ALPK1: variants seen among roughly 807,000 people sequenced by gnomAD.
The protein encoded by ALPK1 is alpha-protein kinase 1.
In ALPK1, 110 loss-of-function variants were observed where a neutral mutation model predicts 120.6. The ratio of observed to expected loss-of-function variants is 0.91; its 90% CI spans 0.78 to 1.07. ALPK1 has a LOEUF of 1.07. Among genes scored for constraint, ALPK1 ranks in the 50% least tolerant of loss-of-function variants. The probability of loss-of-function intolerance (pLI) is 0.00; values close to 1 mark genes in which losing one functional copy is unlikely to be tolerated. For missense variants in ALPK1, 1,498 were observed against 1,483.9 expected (o/e 1.01, Z -0.16); for synonymous variants, 582 against 560.3 (o/e 1.04, Z -0.55).
rs1214780399 is a variant in ALPK1 at position 112,343,485 on chromosome 4, T to TAA, written c.-101+27635_-101+27636dup. On this transcript the variant is annotated intron_variant, in intron 2 of 15. Transcript: ENST00000650871. ...CAGCCTGCCTCGGAAGAGACAAAAG[T>TAA]AAATACCCGTCTCAAAGAGAATGCA... 2.0e-5 allele frequency: 3 copies of TAA among 152,062 alleles called. No homozygotes were observed. In the East Asian group the frequency reaches 5.8e-4, roughly 29 times the overall value. 9.4% of individuals were successfully genotyped at this position (152,062 alleles called of 1,614,324 possible). A position where few individuals can be genotyped will look rare whatever the true frequency, so the allele number is the denominator to read the frequency against.
chr4:112,326,571 A>G (rs903469601), intron 2 of ALPK1, among the ~76,000 whole-genome samples: 1 of 152,122 alleles, frequency 6.6e-6, no homozygotes, highest in Non-Finnish European at 1.5e-5. Context: ...ACAGCTTTCC[A>G]TTTCCTTGTT....
intron 2 of ALPK1, among the ~76,000 whole-genome samples, chr4:112,372,997 T>A (rs60571746): frequency 0.034 from 5,218 of 152,356 alleles, 107 homozygotes; most frequent in African/African-American, 0.052. Flanking sequence ...TTTCTCGATG[T>A]AGTTCTACAA....
chr4:112,399,593 T>A (rs559566040), intron 4 of ALPK1, among the ~76,000 whole-genome samples: 3 of 152,288 alleles, frequency 2.0e-5, no homozygotes, highest in East Asian at 3.9e-4. Flanking sequence ...CTCTTTTTTT[T>A]ATTTTACTTT....
At chr4:112,310,043 A>G (rs557157399) in intron 1 of ALPK1, among the ~76,000 whole-genome samples, 1 of 152,200 alleles carries the variant, frequency 6.6e-6, no homozygotes, top group East Asian at 1.9e-4. Flanking sequence ...TTTATCTCTG[A>G]ATTCCCAGTA....
intron 2 of ALPK1, among the ~76,000 whole-genome samples, chr4:112,320,684 G>C (rs930455799): frequency 6.6e-6 from 1 of 151,678 alleles, no homozygotes; most frequent in Non-Finnish European, 1.5e-5. Context: ...TTTTTTTGTT[G>C]GTGGCTTTTT....
chr4:112,375,130 C>G (rs1458649877), intron 2 of ALPK1, among the ~76,000 whole-genome samples: 3 of 152,044 alleles, frequency 2.0e-5, no homozygotes, highest in African/African-American at 7.2e-5. Context: ...TGTTTTGTCA[C>G]CACTGAAAAT....
At chr4:112,437,706 C>A (rs1734846903) in intron 12 of ALPK1, among the ~76,000 whole-genome samples, 1 of 152,122 alleles carries the variant, frequency 6.6e-6, no homozygotes, top group South Asian at 2.1e-4. Flanking sequence ...GTCTGAATGG[C>A]CAAAACCACA....
rs759425391 is a variant in ALPK1, at chr4:112,431,425, TG to T, written c.1879del (p.Glu627ArgfsTer3). The T allele has an allele frequency of 9.3e-6, 15 of 1,614,114 alleles. No homozygotes were observed. The Admixed American group carries it at 1.2e-4, about 13-fold the overall frequency. On this transcript the variant is annotated frameshift_variant, in exon 11 of 16. Transcript: ENST00000650871. LOFTEE classifies it high-confidence loss of function. ...VDTQCSTALS[E>X]ELENDREGRA... ...ACACTCAGTGTTCCACTGCCTTGTC[TG>T]AGGAGCTAGAGAATGACAGGGAAGG...
chr4:112,300,947 G>T (rs1184297367), intron 1 of ALPK1, among the ~76,000 whole-genome samples: 1 of 152,112 alleles, frequency 6.6e-6, no homozygotes, highest in South Asian at 2.1e-4. Flanking sequence ...TCTGGTTACT[G>T]TGGTGCATTC....
In ALPK1 at chr4:112,356,621, CAAG is replaced by C. The variant is rs57553869; in HGVS notation, c.-100-21052_-100-21050del. The stretch of plus-strand genomic sequence containing the variant: ...ACCACATGAAGATCCACTTGTGCCG[CAAG>C]AAGATGGCAAGTCGCTCTGTCATTT... On this transcript the variant is annotated intron_variant, in intron 2 of 15. Transcript: ENST00000650871. The C allele has an allele frequency of 1.0e-3, 815 of 789,456 alleles. 7 individuals carry two copies. The African/African-American group carries it at 0.012, about 12-fold the overall frequency. 48.9% of individuals were successfully genotyped at this position (789,456 alleles called of 1,614,324 possible).
At chr4:112,371,121 A>G (rs1000966668) in intron 2 of ALPK1, among the ~76,000 whole-genome samples, 22 of 152,150 alleles carry the variant, frequency 1.4e-4, no homozygotes, top group Non-Finnish European at 2.9e-5. Context: ...ACAGCTCTCA[A>G]TTCTGTCCAG....
chr4:112,343,805 C>G (rs1470296226), intron 2 of ALPK1, among the ~76,000 whole-genome samples: 2 of 145,718 alleles, frequency 1.4e-5, no homozygotes, highest in Non-Finnish European at 3.0e-5. Context: ...TTGGAGGACA[C>G]AGATGTCACT....
chr4:112,396,157 C>T (rs1732642409), intron 4 of ALPK1, among the ~76,000 whole-genome samples: 2 of 151,646 alleles, frequency 1.3e-5, no homozygotes, highest in South Asian at 4.1e-4. Flanking sequence ...ATACTTCCAG[C>T]CCTCATTATT....
chr4:112,330,099 G>A (rs1437094137), intron 2 of ALPK1, among the ~76,000 whole-genome samples: 1 of 152,164 alleles, frequency 6.6e-6, no homozygotes, highest in African/African-American at 2.4e-5. Context: ...GAGCAGCTTG[G>A]GTCCTGGAAA....
intron 2 of ALPK1, among the ~76,000 whole-genome samples, chr4:112,328,131 AC>A (rs1729197506): frequency 6.6e-6 from 1 of 152,256 alleles, no homozygotes; most frequent in Non-Finnish European, 1.5e-5. Flanking sequence ...TGATGACAGG[AC>A]TTAGTAAAGT....
chr4:112,307,082 GA>G (rs1728105227), intron 1 of ALPK1, among the ~76,000 whole-genome samples: 1 of 152,090 alleles, frequency 6.6e-6, no homozygotes, highest in African/African-American at 2.4e-5. Context: ...TCTTAATCCT[GA>G]GTTTTAGTTT....
At chr4:112,408,025 T>G (rs1733269497) in intron 4 of ALPK1, among the ~76,000 whole-genome samples, 1 of 151,874 alleles carries the variant, frequency 6.6e-6, no homozygotes, top group South Asian at 2.1e-4. Flanking sequence ...GAGAATTGCT[T>G]GAATCCGAGA....
chr4:112,438,481 T>A lies in ALPK1; in HGVS notation c.3189-3T>A, dbSNP rs761456699. 1.2e-6 allele frequency: 2 copies of A among 1,612,472 alleles called. No homozygotes were observed. Among genetic ancestry groups the A allele is most frequent in the Middle Eastern group, 3.3e-4 (2 of 6,046 alleles). On this transcript the variant is annotated splice_region_variant and splice_polypyrimidine_tract_variant and intron_variant, in intron 12 of 15. Coordinates refer to ENST00000650871, the MANE Select transcript of ALPK1 (RefSeq NM_025144.4). ...TTGTTGTGTGGATTTTCTTTGTTCA[T>A]AGGTATGTTGGGAAAGACTATAAGG...
chr4:112,416,640 A>G (rs529096822), intron 5 of ALPK1, among the ~76,000 whole-genome samples: 1 of 152,208 alleles, frequency 6.6e-6, no homozygotes, highest in African/African-American at 2.4e-5. Context: ...TTAGGAGGCC[A>G]AGGTGGGAGG....
Sources: gnomAD v4.1 joint callset for allele counts (sites outside exome capture counted in the v4.1 genomes callset) on GRCh38, gnomAD v4.1.1 for gene constraint, MANE v1.5 for transcripts, NCBI Gene and HGNC (gene_info 2026-07-23, HGNC 2026-07-21) for gene names.